The following KIN variants were observed in gnomAD, a reference collection of about 807,000 sequenced individuals.
The protein encoded by KIN is Kin17 DNA and RNA binding protein, also known as DNA/RNA-binding protein KIN17.
In KIN, 47 loss-of-function variants were observed where a neutral mutation model predicts 63.0. The ratio of observed to expected loss-of-function variants is 0.75; its 90% CI spans 0.59 to 0.95. The LOEUF is 0.95. KIN is among the 40% of genes least tolerant of loss of function. The probability of loss-of-function intolerance (pLI) is 0.00; values close to 1 mark genes in which losing one functional copy is unlikely to be tolerated. For missense variants in KIN, 408 were observed against 460.9 expected (o/e 0.89, Z 1.05); for synonymous variants, 160 against 157.7 (o/e 1.01, Z -0.11).
chr10:7,769,875 G>C (rs1236741511), intron 7 of KIN, among the ~76,000 whole-genome samples: 1 of 152,192 alleles, frequency 6.6e-6, no homozygotes, highest in Non-Finnish European at 1.5e-5. Context: ...GTAAAGCAAA[G>C]TTCTCAACGT....
chr10:7,780,380 CAGT>C, intron 2 of KIN, 73 bp from the exon 3 acceptor site: 1 of 1,282,272 alleles, frequency 7.8e-7, no homozygotes, highest in South Asian at 1.4e-5. Context: ...GAAATTTAAG[CAGT>C]AGTACAGTTT....
chr10:7,779,450 A>C (rs1157687057), intron 4 of KIN, among the ~76,000 whole-genome samples: 2 of 152,184 alleles, frequency 1.3e-5, no homozygotes, highest in African/African-American at 2.4e-5. Context: ...AAACACATTC[A>C]AATACACAAA....
chr10:7,773,259 C>G (rs752220862), intron 7 of KIN, among the ~76,000 whole-genome samples: 14 of 152,182 alleles, frequency 9.2e-5, no homozygotes, highest in South Asian at 6.2e-4. Context: ...AGAATATGAC[C>G]TCAACATATT....
chr10:7,761,145 T>A (rs554466814), intron 11 of KIN: 1 of 152,292 alleles, frequency 6.6e-6, no homozygotes, highest in South Asian at 2.1e-4. Flanking sequence ...TAGATTGTAG[T>A]GATGGTTTTA....
chr10:7,757,487 G>A (rs1228988981), intron 12 of KIN, among the ~76,000 whole-genome samples: 2 of 151,778 alleles, frequency 1.3e-5, no homozygotes, highest in African/African-American at 2.4e-5. Flanking sequence ...GACAGAGTGA[G>A]ACTCTGTCTT....
intron 2 of KIN, among the ~76,000 whole-genome samples, chr10:7,781,089 T>C (rs1835886206): frequency 6.6e-6 from 1 of 152,192 alleles, no homozygotes; most frequent in South Asian, 2.1e-4. Context: ...GGTTACAATC[T>C]AGCATAACCA....
intron 8 of KIN, 98 bp from the exon 9 acceptor site, chr10:7,766,201 GTCCTC>G: frequency 1.8e-5 from 13 of 721,320 alleles, no homozygotes; most frequent in Non-Finnish European, 2.8e-5. Context: ...AAACTGTGAA[GTCCTC>G]TACTTCACAG....
At position 7,754,347 on chromosome 10, in the gene KIN, A is replaced by C. The variant is rs1195690047; in HGVS notation, c.*1733T>G. The stretch of plus-strand genomic sequence containing the variant: ...AAGACCCTATCTCAAAAAACAGAAC[A>C]AAAAAAAAGAGGCGTAGTGGCTCAT... On this transcript the variant is annotated 3_prime_UTR_variant, in exon 13 of 13. Transcript: ENST00000379562. 4.5e-5 allele frequency: 11 copies of C among 246,702 alleles called. No individual in the cohort carries two copies. Among genetic ancestry groups the C allele is most frequent in the Non-Finnish European group, 4.1e-5 (5 of 121,288 alleles). 15.3% of individuals were successfully genotyped at this position (246,702 alleles called of 1,614,324 possible).
intron 8 of KIN, among the ~76,000 whole-genome samples, chr10:7,767,922 G>A (rs1344746197): frequency 6.7e-6 from 1 of 149,908 alleles, no homozygotes. Flanking sequence ...CAATGAAGAC[G>A]AAAATAAATG....
chr10:7,761,284 G>A (rs1401782989), intron 11 of KIN: 1 of 152,090 alleles, frequency 6.6e-6, no homozygotes, highest in African/African-American at 2.4e-5. Context: ...TTTTACTTTA[G>A]GGGGAAAAAG....
At position 7,779,033 on chromosome 10, in the gene KIN, C is replaced by A. The variant is rs754151529; in HGVS notation, c.377-14G>T. On this transcript the variant is annotated splice_polypyrimidine_tract_variant and intron_variant, in intron 4 of 12. Coordinates refer to ENST00000379562, the MANE Select transcript of KIN (RefSeq NM_012311.4). ...CTTTGCACAAGCCTTAAAAAAACAG[C>A]CACTGCCATAAATTAGCATACAATC... 6.2e-7 allele frequency: 1 copy of A among 1,600,258 alleles called. No homozygotes were observed.
intron 10 of KIN, among the ~76,000 whole-genome samples, chr10:7,763,334 G>A (rs1835474012): frequency 6.6e-6 from 1 of 152,196 alleles, no homozygotes; most frequent in African/African-American, 2.4e-5. Context: ...AAGTCCTCAT[G>A]AGACCTCTGA....
intron 8 of KIN, chr10:7,766,332 T>A: frequency 2.5e-6 from 1 of 395,948 alleles, no homozygotes; most frequent in South Asian, 4.2e-5. Flanking sequence ...GCAAGTCAAC[T>A]GACCTAGGAA....
intron 10 of KIN, 137 bp from the exon 11 acceptor site, chr10:7,762,693 T>A: frequency 1.9e-6 from 1 of 526,412 alleles, no homozygotes; most frequent in East Asian, 3.2e-5. Flanking sequence ...TGACACTATT[T>A]TCTAGATTCC....
chr10:7,781,961 G>A (rs1319277433), intron 2 of KIN, among the ~76,000 whole-genome samples: 4 of 152,138 alleles, frequency 2.6e-5, no homozygotes, highest in Non-Finnish European at 4.4e-5. Flanking sequence ...GGGAGGCCAA[G>A]GCAGGAGAAT....
intron 1 of KIN, among the ~76,000 whole-genome samples, chr10:7,784,458 T>A (rs1835958648): frequency 6.6e-6 from 1 of 152,128 alleles, no homozygotes; most frequent in African/African-American, 2.4e-5. Flanking sequence ...ATGGGTGGTA[T>A]GTGCCTATAG....
At chr10:7,756,532 G>A (rs1311371474) in intron 12 of KIN, among the ~76,000 whole-genome samples, 1 of 152,160 alleles carries the variant, frequency 6.6e-6, no homozygotes, top group Non-Finnish European at 1.5e-5. Flanking sequence ...CACACAATCT[G>A]CCAAGCTCCT....
Position 7,786,268 on chromosome 10 carries a change from T to G in KIN, c.114+1552A>C, listed in dbSNP as rs35028744. Among the ~76,000 whole-genome samples the G allele has an allele frequency of 4.5e-3, 689 of 152,348 alleles. 6 individuals carry two copies. The highest frequency in any genetic ancestry group is 0.02 in the South Asian group (95 of 4,826). On this transcript the variant is annotated intron_variant, in intron 1 of 12. Transcript: ENST00000379562. ...TGTGTATTAGATGATAAAGAGGAAC[T>G]TCTATTAATTGTGTTATGTTGATGA...
chr10:7,769,126 T>G (rs751600697), intron 8 of KIN, 90 bp downstream of exon 8: 21 of 1,268,486 alleles, frequency 1.7e-5, no homozygotes, highest in Non-Finnish European at 2.3e-5. Context: ...ACATGATAAT[T>G]TTCCTAATTT....
Sources: gnomAD v4.1 joint callset for allele counts (sites outside exome capture counted in the v4.1 genomes callset) on GRCh38, gnomAD v4.1.1 for gene constraint, MANE v1.5 for transcripts, NCBI Gene and HGNC (gene_info 2026-07-23, HGNC 2026-07-21) for gene names.